TPH2: variants seen among roughly 807,000 people sequenced by gnomAD.
The protein encoded by TPH2 is tryptophan hydroxylase 2.
TPH2 carries 27 observed loss-of-function variants against 59.1 expected under a neutral mutation model. The observed-to-expected ratio is 0.46, with a 90% confidence interval of 0.34 to 0.63. The LOEUF (loss-of-function observed/expected upper bound fraction) is 0.63. Ranked by LOEUF, TPH2 falls within the 30% of genes least tolerant of loss-of-function variation. The pLI is 0.01. For missense variants in TPH2, 523 were observed against 588.3 expected (o/e 0.89, Z 1.15); for synonymous variants, 220 against 210.5 (o/e 1.05, Z -0.39).
intron 7 of TPH2, among the ~76,000 whole-genome samples, chr12:71,993,897 GCCA>G (rs772892482): frequency 4.1e-4 from 62 of 152,116 alleles, no homozygotes; most frequent in Non-Finnish European, 7.1e-4. Flanking sequence ...TCTGTAAAGG[GCCA>G]GCTAGTTAAT....
rs1462187307 is a variant in TPH2 at position 71,978,951 on chromosome 12, G to A, written c.806-1G>A. 1 of 1,613,990 alleles carries A rather than the reference G, an allele frequency of 6.2e-7. No homozygotes were observed. Among genetic ancestry groups the A allele is most frequent in the Non-Finnish European group, 8.5e-7 (1 of 1,180,004 alleles). On this transcript the variant is annotated splice_acceptor_variant, in intron 6 of 10. Coordinates refer to ENST00000333850, the MANE Select transcript of TPH2 (RefSeq NM_173353.4). LOFTEE classifies it high-confidence loss of function. ...GTTGGCTTTTTCTGTTGCCTTTTTA[G>A]AAAGGTCTGGCTTCACGGTGAGGCC...
intron 9 of TPH2, among the ~76,000 whole-genome samples, chr12:72,029,981 G>A (rs1230659954): frequency 3.9e-5 from 6 of 152,112 alleles, no homozygotes; most frequent in Non-Finnish European, 7.4e-5. Flanking sequence ...AGGTAGAAAA[G>A]TATAATGGGT....
At chr12:71,981,128 T>C (rs1872264876) in intron 7 of TPH2, among the ~76,000 whole-genome samples, 1 of 152,162 alleles carries the variant, frequency 6.6e-6, no homozygotes, top group Non-Finnish European at 1.5e-5. Flanking sequence ...AGAAATTTCA[T>C]TTTTGTACAA....
rs188243707 is a variant in TPH2, at chr12:71,942,290, C to A, written c.255+557C>A. Among the ~76,000 whole-genome samples, 294 of 152,264 alleles carry A rather than the reference C, an allele frequency of 1.9e-3. 1 individual carries two copies. Among genetic ancestry groups the A allele is most frequent in the African/African-American group, 6.8e-3 (281 of 41,526 alleles). The stretch of plus-strand genomic sequence containing the variant: ...TATAGAAATGTTCATAGCATCTTCT[C>A]AGGCCCAAATCTGTAGTTTGAACCC... On this transcript the variant is annotated intron_variant, in intron 2 of 10. Transcript: ENST00000333850.
intron 5 of TPH2, chr12:71,964,407 C>G (rs1308995364): frequency 1.4e-6 from 1 of 739,096 alleles, no homozygotes; most frequent in Non-Finnish European, 1.6e-6. Context: ...CTCAGTCTCT[C>G]TAGTAGCTGG....
chr12:71,952,390 G>A (rs1201445610), intron 5 of TPH2, among the ~76,000 whole-genome samples: 5 of 152,090 alleles, frequency 3.3e-5, no homozygotes, highest in African/African-American at 1.2e-4. Flanking sequence ...GGTTCAAGGG[G>A]CCTGGCTGTT....
rs114966609 is a variant in TPH2, at chr12:71,967,073, T to C, written c.609-5446T>C. Among the ~76,000 whole-genome samples the C allele has an allele frequency of 8.3e-3, 1,266 of 152,298 alleles. 15 individuals carry two copies. The highest frequency in any genetic ancestry group is 0.028 in the African/African-American group (1,157 of 41,562). ...TTATTCATCTGGCTGTAGAAAGAAC[T>C]TCCAAAATTTCAGTCTCAGTGGGGT... On this transcript the variant is annotated intron_variant, in intron 5 of 10. Transcript: ENST00000333850.
chr12:71,960,429 C>T (rs904888576), intron 5 of TPH2, among the ~76,000 whole-genome samples: 12 of 152,156 alleles, frequency 7.9e-5, no homozygotes, highest in Admixed American at 7.9e-4. Context: ...TTGAAATGCA[C>T]AGTTCTTATA....
intron 5 of TPH2, chr12:71,962,711 T>C (rs1189179805): frequency 6.5e-5 from 63 of 970,350 alleles, no homozygotes; most frequent in Non-Finnish European, 7.7e-5. Flanking sequence ...TTAACAAATA[T>C]TATTTTTTTG....
intron 8 of TPH2, among the ~76,000 whole-genome samples, chr12:72,015,114 C>T (rs541019605): frequency 2.2e-4 from 34 of 152,086 alleles, no homozygotes; most frequent in African/African-American, 7.7e-4. Context: ...AGCAAAATTC[C>T]AACTCTAGTA....
At chr12:72,020,132 A>T (rs1295796758) in intron 8 of TPH2, among the ~76,000 whole-genome samples, 1 of 152,218 alleles carries the variant, frequency 6.6e-6, no homozygotes, top group Non-Finnish European at 1.5e-5. Flanking sequence ...CCAATGTCTG[A>T]AGACATTTTT....
chr12:72,031,455 C>T (rs1873719414), intron 10 of TPH2, 64 bp downstream of exon 10: 3 of 1,612,792 alleles, frequency 1.9e-6, no homozygotes, highest in Admixed American at 1.7e-5. Flanking sequence ...CTATTCCTTC[C>T]TTTTATCTAT....
intron 6 of TPH2, among the ~76,000 whole-genome samples, chr12:71,974,569 G>C (rs1194664992): frequency 6.6e-6 from 1 of 152,118 alleles, no homozygotes; most frequent in East Asian, 1.9e-4. Flanking sequence ...GAATTATCTA[G>C]GACAGTCTCT....
intron 9 of TPH2, among the ~76,000 whole-genome samples, chr12:72,025,333 CT>C (rs1873537680): frequency 1.3e-5 from 2 of 152,010 alleles, no homozygotes; most frequent in African/African-American, 4.8e-5. Flanking sequence ...TTGGTGTCAC[CT>C]TTATAACTTT....
intron 8 of TPH2, among the ~76,000 whole-genome samples, chr12:72,012,239 C>T (rs1240634603): frequency 6.6e-6 from 1 of 151,284 alleles, no homozygotes; most frequent in Non-Finnish European, 1.5e-5. Context: ...TTCCTGATTC[C>T]AGGAAGCTCA....
intron 9 of TPH2, among the ~76,000 whole-genome samples, chr12:72,026,498 T>C (rs889643913): frequency 2.0e-5 from 3 of 152,212 alleles, no homozygotes; most frequent in Non-Finnish European, 2.9e-5. Context: ...CTAGTCTGTA[T>C]AGAAGAGGCC....
At chr12:72,027,553 A>G (rs1296268030) in intron 9 of TPH2, among the ~76,000 whole-genome samples, 5 of 152,228 alleles carry the variant, frequency 3.3e-5, no homozygotes, top group Admixed American at 6.5e-5. Flanking sequence ...GTCAGATTCA[A>G]ACCTCAATTC....
chr12:72,009,485 G>T (rs1290778975), intron 8 of TPH2, among the ~76,000 whole-genome samples: 1 of 152,086 alleles, frequency 6.6e-6, no homozygotes, highest in East Asian at 1.9e-4. Flanking sequence ...ATTTTGTTTT[G>T]TGCTTTGTAA....
intron 7 of TPH2, among the ~76,000 whole-genome samples, chr12:71,992,399 T>C (rs1872600210): frequency 6.6e-6 from 1 of 151,910 alleles, no homozygotes; most frequent in Non-Finnish European, 1.5e-5. Flanking sequence ...TTGGGCAACA[T>C]TGTGAGGAAC....
Sources: allele counts gnomAD v4.1 joint callset (sites outside exome capture counted in the v4.1 genomes callset), GRCh38; gene constraint gnomAD v4.1.1; transcripts MANE v1.5; gene names NCBI Gene and HGNC (gene_info 2026-07-23, HGNC 2026-07-21).